PTPRB: variants seen among roughly 807,000 people sequenced by gnomAD.
PTPRB encodes receptor-type tyrosine-protein phosphatase beta.
A neutral mutation model predicts 238.1 loss-of-function variants in PTPRB; 97 were observed. The observed-to-expected ratio is 0.41, with a 90% confidence interval of 0.35 to 0.48. The LOEUF (loss-of-function observed/expected upper bound fraction) is 0.48. Among genes scored for constraint, PTPRB ranks in the 20% least tolerant of loss-of-function variants. The pLI, the probability that PTPRB is intolerant of heterozygous loss-of-function variation, is 0.30. For missense variants in PTPRB, 2,292 were observed against 2,681.9 expected (o/e 0.85, Z 3.21); for synonymous variants, 970 against 995.4 (o/e 0.97, Z 0.48).
In PTPRB at chr12:70,590,227, T is replaced by C. The variant is rs534533267; in HGVS notation, c.1787A>G (p.Asp596Gly). The stretch of plus-strand genomic sequence containing the variant: ...GTTTGCCTCCAGGTTTGCAACTTTG[T>C]CTGGAACTAAACGGTGAAATGATGT... ...QKMAVGRTFP[D>G]KVANLEANNN... is the part of the protein sequence containing the mutation. Residue 596 changes from aspartate to glycine, a missense_variant, in exon 8 of 34, where the codon GAC (aspartate) becomes GGC (glycine). Physicochemically the swap from Asp to Gly is moderately conservative, Grantham distance 94. Transcript: ENST00000334414. 4 of 1,562,946 alleles carry C rather than the reference T, an allele frequency of 2.6e-6. No individual in the cohort carries two copies. The South Asian group carries it at 3.7e-5, about 14-fold the overall frequency.
At chr12:70,637,145 C>A (rs1016840481) in intron 1 of PTPRB, among the ~76,000 whole-genome samples, 196 bp downstream of exon 1, 1 of 152,110 alleles carries the variant, frequency 6.6e-6, no homozygotes, top group South Asian at 2.1e-4. Flanking sequence ...GAGAGGAGAG[C>A]ATTTATTTTC....
At chr12:70,616,248 A>C (rs1424717691) in intron 3 of PTPRB, among the ~76,000 whole-genome samples, 2 of 152,050 alleles carry the variant, frequency 1.3e-5, no homozygotes, top group African/African-American at 4.8e-5. Flanking sequence ...CCAGCCTCTT[A>C]ATATTCTTTA....
chr12:70,539,361 A>C (rs897834872), intron 26 of PTPRB: 2 of 548,290 alleles, frequency 3.6e-6, no homozygotes, highest in Non-Finnish European at 6.5e-6. Flanking sequence ...TTAGGTCTGC[A>C]TTTGAGATTT....
chr12:70,530,420 C>T (rs1873035540), intron 32 of PTPRB, among the ~76,000 whole-genome samples: 1 of 151,932 alleles, frequency 6.6e-6, no homozygotes, highest in Non-Finnish European at 1.5e-5. Flanking sequence ...TACAAATGTA[C>T]ACATATAGGT....
chr12:70,626,660 T>C (rs1885219364), intron 2 of PTPRB, among the ~76,000 whole-genome samples: 1 of 152,104 alleles, frequency 6.6e-6, no homozygotes, highest in Non-Finnish European at 1.5e-5. Flanking sequence ...GTGTAGGTTA[T>C]ATGTAAACAC....
intron 4 of PTPRB, among the ~76,000 whole-genome samples, chr12:70,602,011 G>A (rs1883550338): frequency 6.6e-6 from 1 of 151,634 alleles, no homozygotes; most frequent in African/African-American, 2.4e-5. Context: ...TAGCCAGGAT[G>A]GTCTTGATCT....
In PTPRB at chr12:70,590,113, G is replaced by A; in HGVS notation, c.1901C>T (p.Ser634Phe). The part of the protein sequence containing the change: ...EQYRILLFND[S>F]VVLLNITVGK... ...CACAGTGATGTTGAGCAGCACCACA[G>A]AATCATTGAAGAGTAGGATCCGATA... Residue 634 changes from serine (S) to phenylalanine (F), a missense_variant, in exon 8 of 34, where the codon TCT (serine) becomes TTT (phenylalanine). Around this residue, in one of 4 missense-constraint regions of PTPRB, gnomAD observed 1,205 missense variants for 1,287.8 expected, o/e 0.94. Transcript: ENST00000334414. The A allele has an allele frequency of 1.2e-6, 2 of 1,613,920 alleles. No homozygotes were observed. The highest frequency in any genetic ancestry group is 1.7e-6 in the Non-Finnish European group (2 of 1,179,850).
At position 70,540,956 on chromosome 12, in the gene PTPRB, C is replaced by T. The variant is rs753517447; in HGVS notation, c.5496G>A (p.Glu1832=). ...CACCTTCAATAGCTCCAAACAAGGG[C>T]TCTACAATAATCCAGATAGAAACAA... The part of the protein sequence containing the change: ...FFSLPITTES[E]PLFGAIEGVS... Residue 1832 remains glutamate, a splice_region_variant and synonymous_variant, in exon 23 of 34, where the codon GAG becomes GAA. Transcript: ENST00000334414. 2.5e-6 allele frequency: 4 copies of T among 1,598,900 alleles called. No homozygotes were observed. The highest frequency in any genetic ancestry group is 1.7e-4 in the Middle Eastern group (1 of 6,046).
At chr12:70,552,695 C>T (rs1877073451) in intron 21 of PTPRB, 82 bp downstream of exon 21, 23 of 1,518,922 alleles carry the variant, frequency 1.5e-5, no homozygotes, top group South Asian at 1.3e-4. Context: ...TATGGAAGCT[C>T]GCATGCATCA....
Position 70,622,466 on chromosome 12 carries a change from T to C in PTPRB, c.632A>G (p.Asn211Ser), listed in dbSNP as rs1440719713. The C allele has an allele frequency of 3.1e-6, 5 of 1,613,340 alleles. No individual in the cohort carries two copies. In the South Asian group the frequency reaches 4.4e-5, roughly 14 times the overall value. Residue 211 changes from asparagine (N) to serine (S), a missense_variant, in exon 3 of 34, where the codon AAT becomes AGT. Transcript: ENST00000334414. ...GTCTGTAATTCCAGTCATGTGCAGA[T>C]TGGGATGCTGCCTCTCGCTGCTGTT... ...SQNSSERQHP[N>S]LHMTGITDTS...
At chr12:70,592,878 G>A (rs1461177088) in intron 6 of PTPRB, among the ~76,000 whole-genome samples, 1 of 152,176 alleles carries the variant, frequency 6.6e-6, no homozygotes, top group African/African-American at 2.4e-5. Flanking sequence ...AGTTCACTGA[G>A]CCTTATGGTG....
intron 3 of PTPRB, among the ~76,000 whole-genome samples, chr12:70,610,136 C>T (rs555040470): frequency 8.1e-4 from 123 of 152,286 alleles, no homozygotes; most frequent in African/African-American, 2.9e-3. Flanking sequence ...CCTCGTCTCC[C>T]GGCAAAGGAA....
chr12:70,525,453 C>A (rs940798478), intron 32 of PTPRB: 8 of 152,254 alleles, frequency 5.3e-5, no homozygotes, highest in Non-Finnish European at 7.3e-5. Flanking sequence ...CCTCTGTTCT[C>A]TCAGCATCTG....
At chr12:70,592,245 T>C (rs770436248) in intron 7 of PTPRB, 37 bp downstream of exon 7, 2 of 1,613,598 alleles carry the variant, frequency 1.2e-6, no homozygotes, top group African/African-American at 1.3e-5. Flanking sequence ...GAGAGTGATT[T>C]GAGCAACCAA....
chr12:70,538,101 G>A, intron 28 of PTPRB, 54 bp downstream of exon 28: 1 of 1,446,018 alleles, frequency 6.9e-7, no homozygotes, highest in Non-Finnish European at 9.5e-7. Flanking sequence ...CATCTCCAGT[G>A]TAGCCACCCA....
chr12:70,519,433 AACAAT>A lies in PTPRB; in HGVS notation c.*2051_*2055del, dbSNP rs1871444443. The A allele has an allele frequency of 6.6e-6, 1 of 152,182 alleles. No homozygotes were observed. Among genetic ancestry groups the A allele is most frequent in the African/African-American group, 2.4e-5 (1 of 41,432 alleles). The allele number at this position is 152,182 out of a possible 1,614,324, so 9.4% of individuals were successfully genotyped here. On this transcript the variant is annotated 3_prime_UTR_variant, in exon 34 of 34. Transcript: ENST00000334414. ...TTTAAGCTCAATTGAAGGTAGTAAC[AACAAT>A]CCTAACTTTATGAGGATTCTCTTTA...
intron 2 of PTPRB, among the ~76,000 whole-genome samples, chr12:70,629,220 A>G (rs1885335893): frequency 6.6e-6 from 1 of 152,166 alleles, no homozygotes; most frequent in South Asian, 2.1e-4. Flanking sequence ...AGCAAATGTA[A>G]AAGAAGAGAA....
chr12:70,571,623 C>T (rs1057070279), intron 12 of PTPRB, among the ~76,000 whole-genome samples: 11 of 152,264 alleles, frequency 7.2e-5, no homozygotes, highest in African/African-American at 2.6e-4. Context: ...CCTTCTTGCT[C>T]CCTCACTATG....
chr12:70,529,993 A>G (rs1872949881), intron 32 of PTPRB, among the ~76,000 whole-genome samples: 1 of 152,164 alleles, frequency 6.6e-6, no homozygotes, highest in Non-Finnish European at 1.5e-5. Flanking sequence ...TATTACCACC[A>G]TGAAAAAGCA....
Sources: gnomAD v4.1 joint callset for allele counts (sites outside exome capture counted in the v4.1 genomes callset) on GRCh38, gnomAD v4.1.1 for gene constraint, gnomAD v4.1.1 regional missense constraint, MANE v1.5 for transcripts, NCBI Gene and HGNC (gene_info 2026-07-23, HGNC 2026-07-21) for gene names.